Variants in ADAM22 observed in about 807,000 individuals in gnomAD.
The protein encoded by ADAM22 is disintegrin and metalloproteinase domain-containing protein 22.
In ADAM22, 65 loss-of-function variants were observed where a neutral mutation model predicts 144.6. That is an observed-to-expected ratio of 0.45 (90% CI 0.37 to 0.55). The LOEUF (loss-of-function observed/expected upper bound fraction) is 0.55. Ranked by LOEUF, ADAM22 falls within the 20% of genes least tolerant of loss-of-function variation. The probability of loss-of-function intolerance (pLI) is 0.00; values close to 1 mark genes in which losing one functional copy is unlikely to be tolerated. For missense variants in ADAM22, 974 were observed against 1,184.9 expected, an observed-to-expected ratio of 0.82 and a Z score of 2.61; for synonymous variants, 391 against 412.6, an observed-to-expected ratio of 0.95 and a Z score of 0.63.
At chr7:88,024,668 A>G (rs199697630) in intron 3 of ADAM22, among the ~76,000 whole-genome samples, 1 of 151,706 alleles carries the variant, frequency 6.6e-6, no homozygotes, top group Non-Finnish European at 1.5e-5. Context: ...ATCATTTAAC[A>G]TTAGGTAAAT....
intron 15 of ADAM22, among the ~76,000 whole-genome samples, chr7:88,143,734 G>A (rs1016988672): frequency 6.6e-6 from 1 of 152,314 alleles, no homozygotes; most frequent in Admixed American, 6.5e-5. Flanking sequence ...TTGTCCTTGC[G>A]AATTATGTGA....
At chr7:87,981,150 C>T (rs1354222747) in intron 3 of ADAM22, among the ~76,000 whole-genome samples, 5 of 152,066 alleles carry the variant, frequency 3.3e-5, no homozygotes, top group Non-Finnish European at 7.4e-5. Flanking sequence ...TTCTTTGATC[C>T]TTTACAACAG....
At chr7:88,171,727 G>A (rs1294783525) in intron 26 of ADAM22, among the ~76,000 whole-genome samples, 166 bp downstream of exon 26, 1 of 151,732 alleles carries the variant, frequency 6.6e-6, no homozygotes, top group African/African-American at 2.4e-5. Context: ...TGATGGTGCT[G>A]TGAAATATAG....
At chr7:88,040,944 G>A (rs1802973482) in intron 3 of ADAM22, among the ~76,000 whole-genome samples, 1 of 151,990 alleles carries the variant, frequency 6.6e-6, no homozygotes, top group African/African-American at 2.4e-5. Context: ...AGCCCCAAAA[G>A]GTCACTCTCA....
chr7:88,130,356 C>G, intron 9 of ADAM22, 32 bp from the exon 10 acceptor site: 2 of 1,575,978 alleles, frequency 1.3e-6, no homozygotes, highest in Non-Finnish European at 1.7e-6. Context: ...GATCACTTTG[C>G]AAGACCTTCA....
intron 3 of ADAM22, among the ~76,000 whole-genome samples, chr7:88,045,505 G>A (rs926114915): frequency 6.6e-6 from 1 of 152,136 alleles, no homozygotes; most frequent in East Asian, 1.9e-4. Flanking sequence ...TACATCAAGT[G>A]AATTACTTTA....
At chr7:88,019,704 G>T (rs1284844868) in intron 3 of ADAM22, among the ~76,000 whole-genome samples, 9 of 151,650 alleles carry the variant, frequency 5.9e-5, no homozygotes, top group Admixed American at 2.0e-4. Context: ...ACAAAAATTA[G>T]CTGGGGGTTG....
In ADAM22 at chr7:88,152,296, G is replaced by A. The variant is rs11975162; in HGVS notation, c.1682-925G>A. Among the ~76,000 whole-genome samples, 581 of 152,170 alleles carry A rather than the reference G, an allele frequency of 3.8e-3. 6 individuals are homozygous for A. The highest frequency in any genetic ancestry group is 0.013 in the African/African-American group (547 of 41,552). ...TATACCAACAATTATCCTTTGATTA[G>A]TTTGCATTTTGTCCTAATTCTTAGA... On this transcript the variant is annotated intron_variant, in intron 20 of 31. Transcript: ENST00000413139.
At chr7:87,995,199 A>T (rs1009466725) in intron 3 of ADAM22, among the ~76,000 whole-genome samples, 1 of 152,182 alleles carries the variant, frequency 6.6e-6, no homozygotes, top group Non-Finnish European at 1.5e-5. Flanking sequence ...TGCAAAAATG[A>T]TATTGGGAAT....
chr7:88,155,920 T>C lies in ADAM22; in HGVS notation c.1821T>C (p.Asn607=), dbSNP rs113535772. ...DVLCGYLLCT[N]IGNIPRLGEL... The stretch of plus-strand genomic sequence containing the variant: ...TTTGTGGTTACCTTTTGTGTACCAA[T>C]ATTGGCAATATCCCAAGGCTTGGAG... The change falls in exon 22 of 32, where the codon AAT becomes AAC. Residue 607 remains asparagine (N), a synonymous_variant. Coordinates refer to ENST00000413139, the MANE Select transcript of ADAM22 (RefSeq NM_001324418.2). The C allele has an allele frequency of 2.2e-3, 3,483 of 1,613,426 alleles. 6 individuals carry two copies. Among genetic ancestry groups the C allele is most frequent in the Middle Eastern group, 6.8e-3 (41 of 6,052 alleles).
At chr7:88,031,713 C>T (rs1477971943) in intron 3 of ADAM22, among the ~76,000 whole-genome samples, 2 of 152,208 alleles carry the variant, frequency 1.3e-5, no homozygotes, top group East Asian at 3.9e-4. Context: ...TTTCAGAGAC[C>T]TTCATGGCAG....
At position 87,976,611 on chromosome 7, in the gene ADAM22, A is replaced by T. The variant is rs1334507099; in HGVS notation, c.247-1725A>T. 3.3e-5 allele frequency among the ~76,000 whole-genome samples: 5 copies of T among 152,178 alleles called. No homozygotes were observed. In the East Asian group the frequency reaches 7.7e-4, roughly 23 times the overall value. On this transcript the variant is annotated intron_variant, in intron 2 of 31. Coordinates refer to ENST00000413139, the MANE Select transcript of ADAM22 (RefSeq NM_001324418.2). ...CCTAGACGACTATAGGTGGAACTTG[A>T]TCTAAATCTTGAAGGATGAGTAGGG... is the stretch of plus-strand genomic sequence containing the variant.
In ADAM22 at chr7:88,161,905, T is replaced by C. The variant is rs149696510; in HGVS notation, c.1908-1107T>C. ...ATTGTGGAAGGCAGTGTGGCGATTC[T>C]TCAAAGACCTAAAAACAAATACTAT... On this transcript the variant is annotated intron_variant, in intron 22 of 31. Coordinates refer to ENST00000413139, the MANE Select transcript of ADAM22 (RefSeq NM_001324418.2). Among the ~76,000 whole-genome samples, 1,114 of 152,068 alleles carry C rather than the reference T, an allele frequency of 7.3e-3. 19 individuals are homozygous for C. Among genetic ancestry groups the C allele is most frequent in the African/African-American group, 0.025 (1,058 of 41,500 alleles).
intron 12 of ADAM22, among the ~76,000 whole-genome samples, chr7:88,133,481 G>C (rs1460209245): frequency 1.3e-5 from 2 of 151,994 alleles, no homozygotes; most frequent in African/African-American, 4.8e-5. Flanking sequence ...GATAATATGG[G>C]ATAATTATTA....
chr7:88,129,610 C>T (rs551024493), intron 9 of ADAM22, among the ~76,000 whole-genome samples: 18 of 152,112 alleles, frequency 1.2e-4, no homozygotes, highest in South Asian at 8.3e-4. Flanking sequence ...GTTATAACAA[C>T]ATATATTTTG....
chr7:88,019,223 C>T (rs1372491911), intron 3 of ADAM22, among the ~76,000 whole-genome samples: 1 of 152,172 alleles, frequency 6.6e-6, no homozygotes, highest in Non-Finnish European at 1.5e-5. Context: ...CCTGTAATCT[C>T]AGCATTTTGG....
chr7:88,202,867 A>T lies in ADAM22; in HGVS notation c.*6376A>T, dbSNP rs1851292531. ...TGTAACATTAGTAAAGTGACTTTCA[A>T]TAAAAGATTTATGTTATTTTGATGC... On this transcript the variant is annotated 3_prime_UTR_variant, in exon 32 of 32. Coordinates refer to ENST00000413139, the MANE Select transcript of ADAM22 (RefSeq NM_001324418.2). The T allele has an allele frequency of 6.6e-6, 1 of 152,230 alleles. No homozygotes were observed. Among genetic ancestry groups the T allele is most frequent in the African/African-American group, 2.4e-5 (1 of 41,466 alleles). 9.4% of individuals were successfully genotyped at this position (152,230 alleles called of 1,614,324 possible). A position where few individuals can be genotyped will look rare whatever the true frequency, so the allele number is the denominator to read the frequency against.
chr7:88,080,317 T>A (rs1208221727), intron 4 of ADAM22, among the ~76,000 whole-genome samples: 1 of 152,034 alleles, frequency 6.6e-6, no homozygotes, highest in African/African-American at 2.4e-5. Context: ...AGATACAACA[T>A]ACCAGAATCC....
intron 2 of ADAM22, among the ~76,000 whole-genome samples, chr7:87,953,436 A>T (rs1332762485): frequency 6.6e-6 from 1 of 152,036 alleles, no homozygotes; most frequent in African/African-American, 2.4e-5. Flanking sequence ...TTCAGTTTCC[A>T]TGTAGTTGAG....
Sources: gnomAD v4.1 joint callset for allele counts (sites outside exome capture counted in the v4.1 genomes callset) on GRCh38, gnomAD v4.1.1 for gene constraint, MANE v1.5 for transcripts, NCBI Gene and HGNC (gene_info 2026-07-23, HGNC 2026-07-21) for gene names.